Variants in DNAH7 observed in about 807,000 individuals in gnomAD.
DNAH7 encodes the protein axonemal beta dynein heavy chain 7.
A neutral mutation model predicts 444.6 loss-of-function variants in DNAH7; 397 were observed. That is an observed-to-expected ratio of 0.89 (90% confidence interval 0.82 to 0.97). The LOEUF is 0.97. DNAH7 is among the 50% of genes least tolerant of loss of function. The pLI, the probability that DNAH7 is intolerant of heterozygous loss-of-function variation, is 0.00. For missense variants in DNAH7, 4,902 were observed against 4,800.8 expected (o/e 1.02, Z -0.62); for synonymous variants, 1,636 against 1,624.4 (o/e 1.01, Z -0.17).
At chr2:195,791,840 G>A (rs1173468554) in intron 57 of DNAH7, among the ~76,000 whole-genome samples, 2 of 152,074 alleles carry the variant, frequency 1.3e-5, no homozygotes, top group African/African-American at 2.4e-5. Flanking sequence ...CTTATAAGTG[G>A]GAGCTAAACA....
Position 195,806,725 on chromosome 2 carries a change from A to G in DNAH7, c.10176+15T>C, listed in dbSNP as rs777010377. On this transcript the variant is annotated intron_variant, in intron 54 of 64. Coordinates refer to ENST00000312428, the MANE Select transcript of DNAH7 (RefSeq NM_018897.3). ...GCTTTGGAATCATTGAGCTGTTTTC[A>G]AAGCCCACATTTACCTTGTCTGGCC... is the stretch of plus-strand genomic sequence containing the variant. The G allele has an allele frequency of 3.1e-6, 5 of 1,610,176 alleles. No individual in the cohort carries two copies. The South Asian group carries it at 5.5e-5, about 18-fold the overall frequency.
chr2:195,880,556 G>A (rs145131878), intron 36 of DNAH7, among the ~76,000 whole-genome samples: 3,047 of 151,964 alleles, frequency 0.02, 46 homozygotes, highest in Non-Finnish European at 0.03. Context: ...TGTTAGCCAG[G>A]ATGGTCTCAA....
At position 195,988,043 on chromosome 2, in the gene DNAH7, C is replaced by T. The variant is rs146788086; in HGVS notation, c.1540G>A (p.Ala514Thr). ...KAERDVDNFL[A>T]ENHSYEKIID... Reference sequence around the variant, plus strand: ...ATTTTTTCATAACTATGATTTTCTGCGAGGAAGTTATCAACATCTCGCTCA... The same window carrying T: ...ATTTTTTCATAACTATGATTTTCTGTGAGGAAGTTATCAACATCTCGCTCA... The change falls in exon 13 of 65, where the codon GCA (alanine) becomes ACA (threonine). Residue 514 changes from alanine (A) to threonine (T), a missense_variant. Physicochemically the swap from Ala to Thr is moderately conservative, Grantham distance 58. Transcript: ENST00000312428. 4.8e-3 allele frequency: 7,736 copies of T among 1,613,122 alleles called. 26 individuals are homozygous for T. Among genetic ancestry groups the T allele is most frequent in the Non-Finnish European group, 5.9e-3 (6,916 of 1,179,578 alleles).
At chr2:195,868,196 T>C (rs483539) in intron 40 of DNAH7, among the ~76,000 whole-genome samples, 45,024 of 148,962 alleles carry the variant, frequency 0.3, 9,698 homozygotes, top group African/African-American at 0.61. Context: ...CCCGGGTTCA[T>C]GCCATTCTCC....
At chr2:195,892,429 A>C (rs1702064917) in intron 30 of DNAH7, 1 of 151,998 alleles carries the variant, frequency 6.6e-6, no homozygotes, top group Non-Finnish European at 1.5e-5. Flanking sequence ...AAAACCCTGA[A>C]AGCTGGTCTA....
intron 47 of DNAH7, among the ~76,000 whole-genome samples, chr2:195,842,969 C>T (rs1173949623): frequency 4.6e-5 from 7 of 152,170 alleles, no homozygotes; most frequent in Non-Finnish European, 2.9e-5. Context: ...TCAGTAACTA[C>T]TAATATGTAG....
Position 195,738,000 on chromosome 2 carries a change from G to A in DNAH7, c.11996C>T (p.Ala3999Val), listed in dbSNP as rs1692744405. The part of the protein sequence containing the change: ...TTGHSTNFVI[A>V]MTLPSDQPKE... ...GGGTTGGTCAGAGGGAAGAGTCATGGCAATCACAAAATTCGTGGAATGGCC... is the reference window on the plus strand; with the variant it reads ...GGGTTGGTCAGAGGGAAGAGTCATGACAATCACAAAATTCGTGGAATGGCC... The change falls in exon 65 of 65, where the codon GCC (alanine) becomes GTC (valine). Residue 3999 changes from alanine to valine, a missense_variant. Ala to Val is a moderately conservative substitution (Grantham distance 64). Coordinates refer to ENST00000312428, the MANE Select transcript of DNAH7 (RefSeq NM_018897.3). 2 of 1,614,072 alleles carry A rather than the reference G, an allele frequency of 1.2e-6. No individual in the cohort carries two copies. Among genetic ancestry groups the A allele is most frequent in the East Asian group, 2.2e-5 (1 of 44,880 alleles).
intron 46 of DNAH7, among the ~76,000 whole-genome samples, chr2:195,851,910 T>C (rs934914231): frequency 6.6e-6 from 1 of 152,126 alleles, no homozygotes; most frequent in Non-Finnish European, 1.5e-5. Context: ...AGGTAACCAC[T>C]GAGTGCTAAA....
intron 36 of DNAH7, among the ~76,000 whole-genome samples, 183 bp from the exon 37 acceptor site, chr2:195,876,882 C>T (rs1701094592): frequency 1.3e-5 from 2 of 152,120 alleles, no homozygotes; most frequent in Admixed American, 1.3e-4. Flanking sequence ...TCTGTCCAGC[C>T]TCTTGCATGT....
intron 17 of DNAH7, among the ~76,000 whole-genome samples, chr2:195,963,440 C>G (rs1048032641): frequency 6.6e-6 from 1 of 152,110 alleles, no homozygotes; most frequent in East Asian, 1.9e-4. Context: ...CATCTTTTGC[C>G]CATTTTAAAT....
In DNAH7 at chr2:195,941,599, A is replaced by G. The variant is rs139771019; in HGVS notation, c.3079-4807T>C. 2.5e-3 allele frequency among the ~76,000 whole-genome samples: 380 copies of G among 152,138 alleles called. 3 individuals carry two copies. The highest frequency in any genetic ancestry group is 2.7e-3 in the Non-Finnish European group (184 of 67,986). On this transcript the variant is annotated intron_variant, in intron 19 of 64. Coordinates refer to ENST00000312428, the MANE Select transcript of DNAH7 (RefSeq NM_018897.3). ...AAAAAATAATAAAAAATAAAAAAAG[A>G]GATAATGCAGTTTTGTATACTTAAT...
At chr2:195,763,124 A>C (rs1363872165) in intron 61 of DNAH7, among the ~76,000 whole-genome samples, 1 of 152,204 alleles carries the variant, frequency 6.6e-6, no homozygotes, top group African/African-American at 2.4e-5. Context: ...GAATCAATGA[A>C]GAAACTAAAA....
At chr2:195,744,255 T>C (rs556482291) in intron 63 of DNAH7, among the ~76,000 whole-genome samples, 1 of 152,354 alleles carries the variant, frequency 6.6e-6, no homozygotes, top group East Asian at 1.9e-4. Flanking sequence ...GGAGTCTCGC[T>C]GATTGCTAGC....
At chr2:195,847,119 G>GAT (rs975851582) in intron 46 of DNAH7, among the ~76,000 whole-genome samples, 7 of 137,776 alleles carry the variant, frequency 5.1e-5, no homozygotes, top group South Asian at 2.2e-4. Context: ...TGGGATATCG[G>GAT]ATATATATAT....
At chr2:196,028,082 A>G (rs774479017) in intron 5 of DNAH7, 35 bp from the exon 6 acceptor site, 20 of 1,558,576 alleles carry the variant, frequency 1.3e-5, no homozygotes, top group Non-Finnish European at 1.8e-5. Flanking sequence ...TCAAAAGTAG[A>G]TAAGGGGCAG....
At chr2:195,849,408 C>T (rs1699212924) in intron 46 of DNAH7, among the ~76,000 whole-genome samples, 1 of 152,106 alleles carries the variant, frequency 6.6e-6, no homozygotes, top group Non-Finnish European at 1.5e-5. Context: ...AGATACAACA[C>T]TTGGAGGTGA....
At chr2:195,957,648 T>C (rs146423411) in intron 18 of DNAH7, among the ~76,000 whole-genome samples, 2 of 129,758 alleles carry the variant, frequency 1.5e-5, no homozygotes, top group Non-Finnish European at 3.1e-5. Context: ...ACAATTGTTA[T>C]ACATTATATA....
intron 19 of DNAH7, among the ~76,000 whole-genome samples, chr2:195,955,285 C>T (rs1690568182): frequency 6.6e-6 from 1 of 152,134 alleles, no homozygotes. Flanking sequence ...ATAGGGAATC[C>T]TTTCCCCATT....
intron 48 of DNAH7, among the ~76,000 whole-genome samples, chr2:195,832,808 T>C (rs1698138068): frequency 6.6e-6 from 1 of 152,212 alleles, no homozygotes. Context: ...ATTCCTATAG[T>C]ACATCATCTG....
Sources: allele counts gnomAD v4.1 joint callset (sites outside exome capture counted in the v4.1 genomes callset), GRCh38; gene constraint gnomAD v4.1.1; transcripts MANE v1.5; gene names NCBI Gene and HGNC (gene_info 2026-07-23, HGNC 2026-07-21).